The following STX8 variants were observed in gnomAD, a reference collection of about 807,000 sequenced individuals.
STX8 encodes the protein syntaxin 8.
STX8 carries 23 observed loss-of-function variants against 37.5 expected under a neutral mutation model. The observed-to-expected ratio is 0.61, with a 90% CI of 0.44 to 0.87. STX8 has a LOEUF of 0.87. Ranked by LOEUF, STX8 falls within the 40% of genes least tolerant of loss-of-function variation. STX8 has a pLI of 0.00. For missense variants in STX8, 313 were observed against 284.7 expected (o/e 1.10, Z -0.71); for synonymous variants, 115 against 99.1 (o/e 1.16, Z -0.95).
chr17:9,300,059 C>T (rs1219889491), intron 7 of STX8, among the ~76,000 whole-genome samples: 5 of 152,042 alleles, frequency 3.3e-5, no homozygotes, highest in Admixed American at 6.6e-5. Context: ...AGGCAGGGTG[C>T]GGTGGCTCAT....
chr17:9,289,393 G>A (rs979509753), intron 7 of STX8, among the ~76,000 whole-genome samples: 3 of 152,176 alleles, frequency 2.0e-5, no homozygotes, highest in African/African-American at 7.2e-5. Flanking sequence ...GCAGAGGAGT[G>A]CTGTCCTAGA....
At chr17:9,397,988 C>CAAAAA in intron 6 of STX8, among the ~76,000 whole-genome samples, 1 of 87,066 alleles carries the variant, frequency 1.1e-5, no homozygotes, top group Non-Finnish European at 2.2e-5. Flanking sequence ...ATTCTGTCTC[C>CAAAAA]AAAAAAAAAA....
intron 3 of STX8, among the ~76,000 whole-genome samples, chr17:9,548,766 G>T (rs1906650022): frequency 6.6e-6 from 1 of 151,996 alleles, no homozygotes; most frequent in Non-Finnish European, 1.5e-5. Flanking sequence ...ACCAAAGGAG[G>T]GGAAAAAAAC....
At chr17:9,397,937 G>A (rs933744905) in intron 6 of STX8, among the ~76,000 whole-genome samples, 6 of 145,092 alleles carry the variant, frequency 4.1e-5, no homozygotes, top group Admixed American at 3.6e-4. Flanking sequence ...GCCGTGAGCC[G>A]AGATCACGCC....
intron 5 of STX8, among the ~76,000 whole-genome samples, chr17:9,499,395 T>C (rs1300599597): frequency 6.6e-6 from 1 of 151,922 alleles, no homozygotes; most frequent in African/African-American, 2.4e-5. Context: ...AAGAGGAATA[T>C]GGCATTTCTT....
At chr17:9,524,010 G>C (rs1163346650) in intron 4 of STX8, among the ~76,000 whole-genome samples, 1 of 152,198 alleles carries the variant, frequency 6.6e-6, no homozygotes, top group Non-Finnish European at 1.5e-5. Flanking sequence ...TCTAACTCAT[G>C]TCTAAAGACA....
At chr17:9,469,963 T>TAA (rs1905777372) in intron 6 of STX8, 2 of 152,212 alleles carry the variant, frequency 1.3e-5, no homozygotes, top group Admixed American at 1.3e-4. Context: ...AAACATACTC[T>TAA]AAACCACTAG....
intron 7 of STX8, among the ~76,000 whole-genome samples, chr17:9,253,412 C>T (rs1906667267): frequency 6.6e-6 from 1 of 152,050 alleles, no homozygotes; most frequent in South Asian, 2.1e-4. Flanking sequence ...CCAAAAGCTC[C>T]CCTGGGCAGG....
chr17:9,505,048 T>A lies in STX8; in HGVS notation c.438A>T (p.Lys146Asn), dbSNP rs571564676. 18 of 1,612,940 alleles carry A rather than the reference T, an allele frequency of 1.1e-5. No individual in the cohort carries two copies. Among genetic ancestry groups the A allele is most frequent in the Non-Finnish European group, 1.5e-5 (18 of 1,179,580 alleles). ...CAGGATATTTAGTACCTTGGATAAT[T>A]TTCTGCTGCTGTTGCCGGATTTCAT... Reference protein sequence around the residue: ...GFDEIRQQQQKIIQEQDAGLD... With the variant: ...GFDEIRQQQQNIIQEQDAGLD... The change falls in exon 5 of 8, where the codon AAA becomes AAT. Residue 146 changes from lysine (K) to asparagine (N), a missense_variant. By Grantham distance (94) the Lys-to-Asn change is moderately conservative. Transcript: ENST00000306357.
At chr17:9,261,855 G>T (rs187764608) in intron 7 of STX8, among the ~76,000 whole-genome samples, 2 of 152,184 alleles carry the variant, frequency 1.3e-5, no homozygotes, top group Non-Finnish European at 2.9e-5. Flanking sequence ...TCTGTCTGGA[G>T]TCTGGCAGAA....
intron 7 of STX8, among the ~76,000 whole-genome samples, chr17:9,331,871 G>C (rs149027461): frequency 7.8e-4 from 118 of 152,072 alleles, no homozygotes; most frequent in African/African-American, 2.7e-3. Context: ...TGCAAACAAA[G>C]TGTATGGAAA....
chr17:9,430,147 A>T (rs1481544107), intron 6 of STX8, among the ~76,000 whole-genome samples: 14 of 101,164 alleles, frequency 1.4e-4, no homozygotes, highest in Admixed American at 3.2e-4. Flanking sequence ...TATATAATTT[A>T]TATATAAAAT....
intron 6 of STX8, chr17:9,452,606 C>G (rs1052184246): frequency 2.6e-5 from 4 of 152,144 alleles, no homozygotes; most frequent in African/African-American, 9.7e-5. Flanking sequence ...CTGGCAGTAG[C>G]TTTGGCTCTC....
At chr17:9,272,607 A>G (rs1907508046) in intron 7 of STX8, among the ~76,000 whole-genome samples, 1 of 152,266 alleles carries the variant, frequency 6.6e-6, no homozygotes, top group Non-Finnish European at 1.5e-5. Flanking sequence ...CTAGCGCGCC[A>G]GCGAGCTAGT....
At chr17:9,572,893 G>A (rs938614079) in intron 1 of STX8, among the ~76,000 whole-genome samples, 2 of 152,124 alleles carry the variant, frequency 1.3e-5, no homozygotes, top group Non-Finnish European at 2.9e-5. Context: ...AACATTAACT[G>A]CGGAAGAAGC....
chr17:9,535,424 C>T (rs1192184312), intron 4 of STX8, among the ~76,000 whole-genome samples: 28 of 51,560 alleles, frequency 5.4e-4, no homozygotes, highest in South Asian at 1.5e-3. Context: ...AGCCATCCTA[C>T]TTTTTTTTTT....
intron 5 of STX8, among the ~76,000 whole-genome samples, chr17:9,501,434 T>A (rs1030240789): frequency 3.9e-5 from 6 of 152,164 alleles, no homozygotes; most frequent in African/African-American, 1.4e-4. Flanking sequence ...CTCACATCTG[T>A]AATCCCAGCA....
intron 6 of STX8, among the ~76,000 whole-genome samples, chr17:9,406,665 A>C (rs1172145910): frequency 6.6e-6 from 1 of 152,250 alleles, no homozygotes; most frequent in Non-Finnish European, 1.5e-5. Context: ...AGCAAATGAT[A>C]AAATAGATGA....
At chr17:9,550,151 G>C (rs1480116542) in intron 3 of STX8, among the ~76,000 whole-genome samples, 2 of 152,028 alleles carry the variant, frequency 1.3e-5, no homozygotes, top group African/African-American at 4.8e-5. Flanking sequence ...TGGAACCCGG[G>C]AGGCAGAGGT....
Sources: allele counts gnomAD v4.1 joint callset (sites outside exome capture counted in the v4.1 genomes callset), GRCh38; gene constraint gnomAD v4.1.1; transcripts MANE v1.5; gene names NCBI Gene and HGNC (gene_info 2026-07-23, HGNC 2026-07-21).